BRCA2: variants seen among roughly 807,000 people sequenced by gnomAD.
The protein encoded by BRCA2 is BRCA2 DNA repair associated.
Under a neutral mutation model 276.7 loss-of-function variants are expected in BRCA2, and 203 were observed. The observed-to-expected ratio is 0.73, with a 90% CI of 0.65 to 0.82. The LOEUF (loss-of-function observed/expected upper bound fraction) is 0.82. BRCA2 is among the 40% of genes least tolerant of loss of function. BRCA2 has a pLI of 0.00. For missense variants in BRCA2, 3,920 were observed against 3,915.0 expected, an observed-to-expected ratio of 1.00 and a Z score of -0.03; for synonymous variants, 1,289 against 1,338.4, an observed-to-expected ratio of 0.96 and a Z score of 0.81.
rs769984654 is a variant in BRCA2 at position 32,376,656 on chromosome 13, T to C, written c.8633-14T>C. On this transcript the variant is annotated splice_polypyrimidine_tract_variant and intron_variant, in intron 20 of 26. Coordinates refer to ENST00000380152, the MANE Select transcript of BRCA2 (RefSeq NM_000059.4). ...TTACAGTTTAGTGAATTAATAATCC[T>C]TTTGTTTTCTTAGAAAACACAACAA... 3 of 1,613,550 alleles carry C rather than the reference T, an allele frequency of 1.9e-6. No homozygotes were observed. The highest frequency in any genetic ancestry group is 1.7e-4 in the Middle Eastern group (1 of 6,060).
chr13:32,316,058 C>T (rs1437349032), intron 1 of BRCA2, among the ~76,000 whole-genome samples: 1 of 152,142 alleles, frequency 6.6e-6, no homozygotes, highest in African/African-American at 2.4e-5. Context: ...TTACTTAAGC[C>T]CCTGGTAATT....
chr13:32,338,731 A>G lies in BRCA2; in HGVS notation c.4376A>G (p.Asn1459Ser), dbSNP rs117187202. The change falls in exon 11 of 27, where the codon AAC becomes AGC. Residue 1459 changes from asparagine to serine, a missense_variant. Asn to Ser is a conservative substitution (Grantham distance 46, BLOSUM62 1). Transcript: ENST00000380152. Reference protein sequence around the residue: ...FFDQKPEELHNFSLNSELHSD... With the variant: ...FFDQKPEELHSFSLNSELHSD... The stretch of plus-strand genomic sequence containing the variant: ...GATCAGAAACCAGAAGAATTGCATA[A>G]CTTTTCCTTAAATTCTGAATTACAT... The G allele has an allele frequency of 7.5e-6, 12 of 1,600,436 alleles. No individual in the cohort carries two copies. The East Asian group carries it at 2.7e-4, about 36-fold the overall frequency.
At chr13:32,357,990 T>C (rs1318112381) in intron 16 of BRCA2, 61 bp downstream of exon 16, 2 of 1,555,658 alleles carry the variant, frequency 1.3e-6, no homozygotes, top group Non-Finnish European at 1.8e-6. Context: ...CTCTTTCTTC[T>C]CTTAACTGTC....
intron 14 of BRCA2, among the ~76,000 whole-genome samples, chr13:32,356,061 A>G (rs2072692228): frequency 6.8e-6 from 1 of 147,324 alleles, no homozygotes; most frequent in African/African-American, 2.5e-5. Flanking sequence ...TTTTTTTTTG[A>G]GACAGAGTTT....
intron 7 of BRCA2, among the ~76,000 whole-genome samples, chr13:32,327,534 G>C (rs1251768410): frequency 6.6e-6 from 1 of 151,806 alleles, no homozygotes; most frequent in African/African-American, 2.4e-5. Flanking sequence ...GCTGGGCGTG[G>C]TGGCAGACAC....
In BRCA2 at chr13:32,337,751, A is replaced by G. The variant is rs1801406; in HGVS notation, c.3396A>G (p.Lys1132=). Residue 1132 remains lysine (K), a synonymous_variant, in exon 11 of 27, where the codon AAA becomes AAG. Transcript: ENST00000380152. ...AGTTTGAATTTACTCAGTTTAGAAAACCAAGCTACATATTGCAGAAGAGTA... is the reference window on the plus strand; with the variant it reads ...AGTTTGAATTTACTCAGTTTAGAAAGCCAAGCTACATATTGCAGAAGAGTA... The part of the protein sequence containing the change: ...GSQFEFTQFR[K]PSYILQKSTF... 0.31 allele frequency: 494,369 copies of G among 1,613,344 alleles called. 77,417 individuals are homozygous for G. The highest frequency in any genetic ancestry group is 0.43 in the East Asian group (19,331 of 44,846).
intron 24 of BRCA2, chr13:32,386,003 A>C (rs2072957375): frequency 5.6e-6 from 1 of 177,338 alleles, no homozygotes; most frequent in Non-Finnish European, 1.3e-5. Flanking sequence ...AAGCCTCCTT[A>C]GGTTTCTGTA....
intron 24 of BRCA2, among the ~76,000 whole-genome samples, chr13:32,390,541 T>C (rs1368656649): frequency 6.6e-6 from 1 of 152,210 alleles, no homozygotes; most frequent in African/African-American, 2.4e-5. Context: ...AAAAATCTTC[T>C]TTGTTTTGCA....
intron 11 of BRCA2, among the ~76,000 whole-genome samples, chr13:32,344,311 T>C (rs1018655230): frequency 1.3e-5 from 2 of 152,132 alleles, no homozygotes; most frequent in African/African-American, 4.8e-5. Flanking sequence ...TTATCCTATT[T>C]AGGATTTATC....
chr13:32,363,213 G>T lies in BRCA2; in HGVS notation c.8011G>T (p.Ala2671Ser), dbSNP rs786201976. 14 of 1,613,824 alleles carry T rather than the reference G, an allele frequency of 8.7e-6. No individual in the cohort carries two copies. The highest frequency in any genetic ancestry group is 1.2e-5 in the Non-Finnish European group (14 of 1,179,950). The change falls in exon 18 of 27, where the codon GCT (alanine) becomes TCT (serine). Residue 2671 changes from alanine (A) to serine (S), a missense_variant. Ala to Ser is a moderately conservative substitution (Grantham distance 99). Transcript: ENST00000380152. ...GGAAATTGATAGAAGCAGAAGATCGGCTATAAAAAAGATAATGGAAAGGGA... is the reference window on the plus strand; with the variant it reads ...GGAAATTGATAGAAGCAGAAGATCGTCTATAAAAAAGATAATGGAAAGGGA... ...DTEIDRSRRS[A>S]IKKIMERDDT...
intron 13 of BRCA2, among the ~76,000 whole-genome samples, chr13:32,351,969 T>G (rs2072655521): frequency 1.3e-5 from 2 of 151,972 alleles, no homozygotes; most frequent in Admixed American, 1.3e-4. Context: ...GCCCGGCTAA[T>G]TTTTTGTATT....
At position 32,396,622 on chromosome 13, in the gene BRCA2, G is replaced by A. The variant is rs2073038513; in HGVS notation, c.9502-276G>A. Among the ~76,000 whole-genome samples the A allele has an allele frequency of 2.6e-5, 4 of 152,154 alleles. No homozygotes were observed. The South Asian group carries it at 8.3e-4, about 32-fold the overall frequency. On this transcript the variant is annotated intron_variant, in intron 25 of 26. Coordinates refer to ENST00000380152, the MANE Select transcript of BRCA2 (RefSeq NM_000059.4). The stretch of plus-strand genomic sequence containing the variant: ...CAGCTTCAATCCAGATCATATGACA[G>A]CTTGCTGATTAAACTAGATGACAGA...
chr13:32,348,272 A>G (rs891313036), intron 13 of BRCA2, among the ~76,000 whole-genome samples: 1 of 151,994 alleles, frequency 6.6e-6, no homozygotes, highest in African/African-American at 2.4e-5. Context: ...GAAGAAAGAA[A>G]TTTTAAAATA....
rs1593202427 is a variant in BRCA2, at chr13:32,398,686, C to T, written c.10173C>T (p.Ile3391=). 1 of 1,614,066 alleles carries T rather than the reference C, an allele frequency of 6.2e-7. No individual in the cohort carries two copies. Among genetic ancestry groups the T allele is most frequent in the Non-Finnish European group, 8.5e-7 (1 of 1,180,006 alleles). Reference sequence around the variant, plus strand: ...AACGACGTTGTACTACATCTCTGATCAAAGAACAGGAGAGTTCCCAGGCCA... The same window carrying T: ...AACGACGTTGTACTACATCTCTGATTAAAGAACAGGAGAGTTCCCAGGCCA... ...RLKRRCTTSL[I]KEQESSQAST... Residue 3391 remains isoleucine (I), a synonymous_variant, in exon 27 of 27, where the codon ATC becomes ATT. Coordinates refer to ENST00000380152, the MANE Select transcript of BRCA2 (RefSeq NM_000059.4).
Position 32,340,005 on chromosome 13 carries a change from A to G in BRCA2, c.5650A>G (p.Ile1884Val), listed in dbSNP as rs398122538. ...GGAAAACAACGAGAATAAATCAAAA[A>G]TTTGCCAAACGAAAATTATGGCAGG... ...IKENNENKSK[I>V]CQTKIMAGCY... is the part of the protein sequence containing the mutation. Residue 1884 changes from isoleucine (I) to valine (V), a missense_variant, in exon 11 of 27, where the codon ATT (isoleucine) becomes GTT (valine). Physicochemically the swap from Ile to Val is conservative, Grantham distance 29. Around this residue, in one of 2 missense-constraint regions of BRCA2, gnomAD observed 3,263 missense variants for 3,156.9 expected, o/e 1.03. Coordinates refer to ENST00000380152, the MANE Select transcript of BRCA2 (RefSeq NM_000059.4). The G allele has an allele frequency of 6.2e-7, 1 of 1,612,838 alleles. No homozygotes were observed.
At chr13:32,395,222 T>C (rs1194189496) in intron 25 of BRCA2, among the ~76,000 whole-genome samples, 1 of 152,168 alleles carries the variant, frequency 6.6e-6, no homozygotes, top group Non-Finnish European at 1.5e-5. Flanking sequence ...AAGAATAATA[T>C]GAGTTATCTG....
intron 11 of BRCA2, 23 bp from the exon 12 acceptor site, chr13:32,344,535 A>C: frequency 7.0e-7 from 1 of 1,430,700 alleles, no homozygotes; most frequent in Non-Finnish European, 9.8e-7. Flanking sequence ...CCTTAAAAAC[A>C]TATATGAAAT....
chr13:32,357,459 T>C (rs971238271), intron 15 of BRCA2, among the ~76,000 whole-genome samples: 20 of 152,348 alleles, frequency 1.3e-4, no homozygotes, highest in African/African-American at 4.8e-4. Flanking sequence ...TTGTAAAACA[T>C]CACATTTTTT....
chr13:32,353,905 T>C (rs2072669314), intron 13 of BRCA2, among the ~76,000 whole-genome samples: 1 of 152,208 alleles, frequency 6.6e-6, no homozygotes, highest in South Asian at 2.1e-4. Flanking sequence ...ATGCTATATG[T>C]AGTGTAAAAT....
Sources: gnomAD v4.1 joint callset for allele counts (sites outside exome capture counted in the v4.1 genomes callset) on GRCh38, gnomAD v4.1.1 for gene constraint, gnomAD v4.1.1 regional missense constraint, MANE v1.5 for transcripts, NCBI Gene and HGNC (gene_info 2026-07-23, HGNC 2026-07-21) for gene names.